ARK2N: variants seen among roughly 807,000 people sequenced by gnomAD.
The protein encoded by ARK2N is arkadia (RNF111) N-terminal like PKA signaling regulator 2N.
At chr18:46,197,762 T>C in the ARK2N span, among the ~76,000 whole-genome samples, 1 of 152,186 alleles carries the variant, frequency 6.6e-6, no homozygotes, top group Admixed American at 6.5e-5. Context: ...AAGCAAGAAG[T>C]ACACTGGAGT....
chr18:46,231,139 C>A, the ARK2N span, among the ~76,000 whole-genome samples: 1 of 152,128 alleles, frequency 6.6e-6, no homozygotes, highest in African/African-American at 2.4e-5. Context: ...TAATTTAGAG[C>A]CCAACAAGGT....
At chr18:46,206,634 T>TGG in the ARK2N span, among the ~76,000 whole-genome samples, 2 of 152,346 alleles carry the variant, frequency 1.3e-5, no homozygotes, top group East Asian at 3.9e-4. Context: ...GCTGAGTTGT[T>TGG]GGGGATACTT....
At chr18:46,209,308 T>C in the ARK2N span, among the ~76,000 whole-genome samples, 1 of 149,106 alleles carries the variant, frequency 6.7e-6, no homozygotes, top group African/African-American at 2.5e-5. Flanking sequence ...TTTTTTTTTT[T>C]ACAAACCCCC....
At chr18:46,241,939 C>T in the ARK2N span, among the ~76,000 whole-genome samples, 1 of 151,944 alleles carries the variant, frequency 6.6e-6, no homozygotes, top group African/African-American at 2.4e-5. Flanking sequence ...GCCTCAGGCT[C>T]CTGAGTAGCT....
the ARK2N span, chr18:46,262,778 A>G: frequency 1.3e-6 from 1 of 760,626 alleles, no homozygotes; most frequent in South Asian, 1.8e-5. Context: ...GGAGACAGAG[A>G]TGGAGGGAAG....
the ARK2N span, among the ~76,000 whole-genome samples, chr18:46,205,508 T>C: frequency 6.6e-6 from 1 of 152,216 alleles, no homozygotes; most frequent in Non-Finnish European, 1.5e-5. Flanking sequence ...CGGGTATGTC[T>C]TATTTCCCTC....
the ARK2N span, among the ~76,000 whole-genome samples, chr18:46,192,016 G>C: frequency 6.6e-6 from 1 of 152,126 alleles, no homozygotes; most frequent in Non-Finnish European, 1.5e-5. Context: ...ATATTCCATT[G>C]TCTGGATGAC....
chr18:46,218,288 T>C, the ARK2N span: 1 of 152,244 alleles, frequency 6.6e-6, no homozygotes, highest in African/African-American at 2.4e-5. Context: ...CAGTGTCTGT[T>C]TCTTGTCTCT....
the ARK2N span, among the ~76,000 whole-genome samples, chr18:46,181,495 A>G: frequency 1.3e-5 from 2 of 151,968 alleles, no homozygotes; most frequent in Admixed American, 6.6e-5. Flanking sequence ...GCGGCGGATC[A>G]TGAGGTCAGG....
the ARK2N span, among the ~76,000 whole-genome samples, chr18:46,220,808 T>C: frequency 6.6e-6 from 1 of 150,856 alleles, no homozygotes; most frequent in Non-Finnish European, 1.5e-5. Flanking sequence ...CTTGACCACA[T>C]ACTGCCATAC....
chr18:46,178,382 C>T, the ARK2N span, among the ~76,000 whole-genome samples: 411 of 152,246 alleles, frequency 2.7e-3, 2 homozygotes, highest in African/African-American at 8.9e-3. Context: ...GCACAATCTC[C>T]GCTCACTGCA....
chr18:46,260,319 A>G, the ARK2N span, among the ~76,000 whole-genome samples: 1 of 152,198 alleles, frequency 6.6e-6, no homozygotes. Context: ...TCCCTTTGGG[A>G]ATTCCATGTA....
At chr18:46,192,688 T>C in the ARK2N span, among the ~76,000 whole-genome samples, 4 of 151,604 alleles carry the variant, frequency 2.6e-5, no homozygotes, top group Non-Finnish European at 5.9e-5. Flanking sequence ...TGCCTCAGTC[T>C]CCCAAGTAGA....
At chr18:46,235,776 A>C in the ARK2N span, among the ~76,000 whole-genome samples, 2 of 152,212 alleles carry the variant, frequency 1.3e-5, no homozygotes, top group Non-Finnish European at 2.9e-5. Context: ...TTAGTTTTAA[A>C]ATCTTGTGCT....
At chr18:46,206,939 C>G in the ARK2N span, among the ~76,000 whole-genome samples, 2 of 152,184 alleles carry the variant, frequency 1.3e-5, no homozygotes, top group East Asian at 3.9e-4. Flanking sequence ...CCATGCCCAA[C>G]TAATTTTTAA....
the ARK2N span, among the ~76,000 whole-genome samples, chr18:46,215,331 A>G: frequency 6.6e-6 from 1 of 152,116 alleles, no homozygotes; most frequent in Non-Finnish European, 1.5e-5. Flanking sequence ...AAACAAACAA[A>G]CAAACAAACA....
the ARK2N span, among the ~76,000 whole-genome samples, chr18:46,241,490 C>T: frequency 6.6e-6 from 1 of 151,950 alleles, no homozygotes; most frequent in Non-Finnish European, 1.5e-5. Flanking sequence ...GGGAGGCCGA[C>T]GTGGGAGGAT....
At chr18:46,208,689 C>T in the ARK2N span, among the ~76,000 whole-genome samples, 47 of 151,928 alleles carry the variant, frequency 3.1e-4, no homozygotes, top group African/African-American at 1.1e-3. Context: ...AGGATGGTCT[C>T]GATCTCTTGA....
chr18:46,217,065 C>CA, the ARK2N span: 1 of 153,964 alleles, frequency 6.5e-6, no homozygotes, highest in Non-Finnish European at 1.4e-5. Context: ...ATTTTTCCTC[C>CA]AAAAACAGTA....
Sources: allele counts gnomAD v4.1 joint callset (sites outside exome capture counted in the v4.1 genomes callset), GRCh38; gene constraint gnomAD v4.1.1; transcripts MANE v1.5; gene names NCBI Gene and HGNC (gene_info 2026-07-23, HGNC 2026-07-21).